CERT1: variants seen among roughly 807,000 people sequenced by gnomAD.
CERT1 encodes the protein ceramide transfer protein.
In CERT1, 31 loss-of-function variants were observed where a neutral mutation model predicts 87.9. That is an observed-to-expected ratio of 0.35 (90% CI 0.27 to 0.48). The LOEUF (loss-of-function observed/expected upper bound fraction) is 0.48, where lower values mean the gene tolerates loss of function less well. Among genes scored for constraint, CERT1 ranks in the 20% least tolerant of loss-of-function variants. The pLI, the probability that CERT1 is intolerant of heterozygous loss-of-function variation, is 0.99. For missense variants in CERT1, 487 were observed against 758.0 expected, an observed-to-expected ratio of 0.64 and a Z score of 4.20; for synonymous variants, 289 against 250.9, an observed-to-expected ratio of 1.15 and a Z score of -1.44.
intron 3 of CERT1, among the ~76,000 whole-genome samples, chr5:75,428,534 A>C (rs974436265): frequency 5.3e-5 from 8 of 152,038 alleles, no homozygotes; most frequent in African/African-American, 1.9e-4. Flanking sequence ...CAAAATTAGC[A>C]GGGCGCAGTG....
intron 3 of CERT1, among the ~76,000 whole-genome samples, chr5:75,432,778 T>C (rs111540822): frequency 3.7e-4 from 57 of 152,392 alleles, no homozygotes; most frequent in African/African-American, 8.9e-4. Context: ...CACCAAGGCC[T>C]ATGCCTAGAC....
intron 1 of CERT1, among the ~76,000 whole-genome samples, chr5:75,509,396 T>C (rs1010068168): frequency 1.3e-5 from 2 of 152,184 alleles, no homozygotes; most frequent in African/African-American, 4.8e-5. Flanking sequence ...AACCATAAAT[T>C]GGTAAATCTC....
chr5:75,438,052 A>G (rs1490933025), intron 3 of CERT1, among the ~76,000 whole-genome samples: 2 of 152,158 alleles, frequency 1.3e-5, no homozygotes, highest in Admixed American at 6.5e-5. Context: ...TTTATTACAC[A>G]AAATAGAGCT....
chr5:75,397,665 A>G (rs772688663), intron 11 of CERT1, among the ~76,000 whole-genome samples: 3 of 152,262 alleles, frequency 2.0e-5, no homozygotes, highest in Non-Finnish European at 4.4e-5. Flanking sequence ...ACAATAAACC[A>G]AAGTCTCCCA....
chr5:75,501,937 G>A (rs1359986502), intron 2 of CERT1, among the ~76,000 whole-genome samples: 2 of 152,018 alleles, frequency 1.3e-5, no homozygotes, highest in Non-Finnish European at 2.9e-5. Context: ...ATCTAAACAA[G>A]TAAATACAGA....
chr5:75,388,412 A>T (rs1040967539), intron 12 of CERT1, among the ~76,000 whole-genome samples: 2 of 151,752 alleles, frequency 1.3e-5, no homozygotes, highest in African/African-American at 4.8e-5. Context: ...TTTTTCCTAA[A>T]ATGCCCTCAC....
chr5:75,482,429 C>T (rs1766291751), intron 2 of CERT1, among the ~76,000 whole-genome samples: 1 of 152,156 alleles, frequency 6.6e-6, no homozygotes, highest in Non-Finnish European at 1.5e-5. Flanking sequence ...GACTCCAGGC[C>T]CCGGCCCAGG....
intron 3 of CERT1, among the ~76,000 whole-genome samples, chr5:75,441,324 C>T (rs1047626487): frequency 2.6e-5 from 4 of 152,136 alleles, no homozygotes; most frequent in Non-Finnish European, 5.9e-5. Flanking sequence ...ACCATCTATA[C>T]ATAAGTTCAC....
At chr5:75,433,538 C>T (rs1763959828) in intron 3 of CERT1, among the ~76,000 whole-genome samples, 1 of 152,006 alleles carries the variant, frequency 6.6e-6, no homozygotes, top group Non-Finnish European at 1.5e-5. Flanking sequence ...TTTGTTTTAT[C>T]GAGATAGGGT....
chr5:75,373,749 T>C (rs779474005), downstream of CERT1: 5 of 221,490 alleles, frequency 2.3e-5, no homozygotes, highest in Non-Finnish European at 4.4e-5. Context: ...AGATATTTGG[T>C]GCACAGAAAG....
rs539924208 is a variant in CERT1 at position 75,511,328 on chromosome 5, G to C, written c.-121C>G. On this transcript the variant is annotated 5_prime_UTR_variant, in exon 1 of 17. Coordinates refer to ENST00000643780, the MANE Select transcript of CERT1 (RefSeq NM_001379029.1). ...AAGCGAAGAGTGCCCGCTCCGGTGT[G>C]GGGGGGAGCAGGAGGAGGGACGAAG... is the stretch of plus-strand genomic sequence containing the variant. The C allele has an allele frequency of 1.6e-5, 24 of 1,546,292 alleles. No homozygotes were observed. Among genetic ancestry groups the C allele is most frequent in the Middle Eastern group, 1.7e-4 (1 of 5,728 alleles).
rs1434905331 is a variant in CERT1 at position 75,444,197 on chromosome 5, A to G, written c.348+14868T>C. The stretch of plus-strand genomic sequence containing the variant: ...CAGCCTCCCGAGTAGCTGGGATTAC[A>G]GGCACCCGCCACTGCGCTCAGCTAA... On this transcript the variant is annotated intron_variant, in intron 3 of 16. Transcript: ENST00000643780. 2.6e-5 allele frequency among the ~76,000 whole-genome samples: 4 copies of G among 152,166 alleles called. No individual in the cohort carries two copies. In the South Asian group the frequency reaches 6.2e-4, roughly 24 times the overall value.
Position 75,386,183 on chromosome 5 carries a change from AAATT to A in CERT1, c.1285-153_1285-150del, listed in dbSNP as rs545548521. On this transcript the variant is annotated intron_variant, in intron 12 of 16. Coordinates refer to ENST00000643780, the MANE Select transcript of CERT1 (RefSeq NM_001379029.1). ...CTGCTAAAAGAAAATTAAAAATTTC[AAATT>A]AACAGACAAAAAAGTACTTAAAATT... 5.6e-5 allele frequency: 31 copies of A among 551,750 alleles called. No homozygotes were observed. In the South Asian group the frequency reaches 2.4e-3, roughly 43 times the overall value. 34.2% of individuals were successfully genotyped at this position (551,750 alleles called of 1,614,324 possible). A position where few individuals can be genotyped will look rare whatever the true frequency, so the allele number is the denominator to read the frequency against.
chr5:75,449,828 C>T (rs920446114), intron 3 of CERT1, among the ~76,000 whole-genome samples: 18 of 152,072 alleles, frequency 1.2e-4, no homozygotes, highest in Admixed American at 1.2e-3. Context: ...CCCATTTCAG[C>T]ATCCTATTAT....
intron 2 of CERT1, among the ~76,000 whole-genome samples, chr5:75,490,351 A>T (rs2112424421): frequency 6.6e-6 from 1 of 151,604 alleles, no homozygotes; most frequent in Admixed American, 6.6e-5. Flanking sequence ...ATAATAAAAA[A>T]CCTTTTTTTC....
intron 5 of CERT1, among the ~76,000 whole-genome samples, chr5:75,423,383 GGA>G (rs1491135768): frequency 3.3e-5 from 4 of 122,682 alleles, no homozygotes; most frequent in African/African-American, 1.8e-4. Flanking sequence ...TTTTTAGAGG[GGA>G]AAAAAAAAAA....
At chr5:75,405,587 C>T (rs1362778655) in intron 8 of CERT1, among the ~76,000 whole-genome samples, 2 of 152,136 alleles carry the variant, frequency 1.3e-5, no homozygotes, top group Admixed American at 1.3e-4. Flanking sequence ...GGATTCCTTC[C>T]TTTTCCCTCA....
chr5:75,428,015 T>C (rs757914765), intron 3 of CERT1, among the ~76,000 whole-genome samples: 12 of 152,204 alleles, frequency 7.9e-5, no homozygotes, highest in Non-Finnish European at 1.3e-4. Flanking sequence ...CAATGTGTTA[T>C]AGAAAATATA....
intron 2 of CERT1, among the ~76,000 whole-genome samples, chr5:75,459,702 T>G (rs1580801436): frequency 6.6e-6 from 1 of 151,966 alleles, no homozygotes; most frequent in African/African-American, 2.4e-5. Flanking sequence ...CGGTGGCTCA[T>G]GCATGTAATC....
Sources: allele counts gnomAD v4.1 joint callset (sites outside exome capture counted in the v4.1 genomes callset), GRCh38; gene constraint gnomAD v4.1.1; transcripts MANE v1.5; gene names NCBI Gene and HGNC (gene_info 2026-07-23, HGNC 2026-07-21).